ZFHX3: variants seen among roughly 807,000 people sequenced by gnomAD.
ZFHX3 encodes the protein zinc finger homeobox 3.
In ZFHX3, 42 loss-of-function variants were observed where a neutral mutation model predicts 279.1. The observed-to-expected ratio is 0.15, with a 90% CI of 0.12 to 0.19. The LOEUF is 0.19. Among genes scored for constraint, ZFHX3 ranks in the 10% least tolerant of loss-of-function variants. The probability of loss-of-function intolerance (pLI) is 1.00; values close to 1 mark genes in which losing one functional copy is unlikely to be tolerated. For missense variants in ZFHX3, 4,981 were observed against 4,754.0 expected (o/e 1.05, Z -1.40); for synonymous variants, 2,293 against 1,957.8 (o/e 1.17, Z -4.52).
intron 2 of ZFHX3, among the ~76,000 whole-genome samples, chr16:73,619,804 T>C (rs923470169): frequency 6.6e-6 from 1 of 152,112 alleles, no homozygotes; most frequent in Non-Finnish European, 1.5e-5. Context: ...GGCTCCCACA[T>C]GGTTTTCCTG....
intron 1 of ZFHX3, among the ~76,000 whole-genome samples, chr16:73,004,159 CTTTT>C (rs3081625): frequency 1.6e-4 from 8 of 49,372 alleles, no homozygotes; most frequent in South Asian, 7.6e-4. Flanking sequence ...AAAAACACGA[CTTTT>C]TTTTTTTTTT....
Position 72,798,693 on chromosome 16 carries a change from T to C in ZFHX3, c.3989A>G (p.Lys1330Arg), listed in dbSNP as rs369718528. Residue 1330 changes from lysine to arginine, a missense_variant, in exon 9 of 10, where the codon AAG (lysine) becomes AGG (arginine). By Grantham distance (26) the Lys-to-Arg change is conservative (BLOSUM62 2). Transcript: ENST00000268489. ...KQPETSEDLGKNILPSASTEQ... is the reference protein window; with the variant it reads ...KQPETSEDLGRNILPSASTEQ... ...TGTGCTTGCGGATGGCAAGATGTTC[T>C]TTCCCAGATCCTCTGAGGTTTCTGT... is the stretch of plus-strand genomic sequence containing the variant. 11 of 1,563,658 alleles carry C rather than the reference T, an allele frequency of 7.0e-6. No homozygotes were observed. The highest frequency in any genetic ancestry group is 9.5e-6 in the Non-Finnish European group (11 of 1,158,508).
At chr16:73,503,824 T>C (rs1022888908) in intron 2 of ZFHX3, among the ~76,000 whole-genome samples, 2 of 152,196 alleles carry the variant, frequency 1.3e-5, no homozygotes, top group African/African-American at 4.8e-5. Flanking sequence ...TTGGTAACAG[T>C]TTTGACCTGT....
intron 1 of ZFHX3, among the ~76,000 whole-genome samples, chr16:72,966,064 C>T (rs992601241): frequency 3.9e-5 from 6 of 152,084 alleles, no homozygotes; most frequent in Non-Finnish European, 7.4e-5. Flanking sequence ...TTATAGCCGA[C>T]TAATGATGCC....
intron 4 of ZFHX3, among the ~76,000 whole-genome samples, chr16:72,831,232 T>C (rs919820758): frequency 2.0e-5 from 3 of 152,198 alleles, no homozygotes; most frequent in Non-Finnish European, 4.4e-5. Context: ...AAGATGTCTA[T>C]TTAGAATCAG....
chr16:73,353,259 T>A (rs540642790), intron 3 of ZFHX3, among the ~76,000 whole-genome samples: 1 of 152,202 alleles, frequency 6.6e-6, no homozygotes, highest in East Asian at 1.9e-4. Flanking sequence ...AAATCACCCA[T>A]GGGCTCATTT....
intron 1 of ZFHX3, among the ~76,000 whole-genome samples, chr16:73,803,765 T>C (rs770389610): frequency 1.1e-4 from 16 of 152,174 alleles, no homozygotes; most frequent in Non-Finnish European, 1.8e-4. Flanking sequence ...CATTTCAGAG[T>C]AATATGTGTA....
At chr16:73,256,678 T>C (rs2013669904) in intron 5 of ZFHX3, among the ~76,000 whole-genome samples, 1 of 152,212 alleles carries the variant, frequency 6.6e-6, no homozygotes, top group South Asian at 2.1e-4. Context: ...GGGAAATACC[T>C]TCAAAATAAT....
chr16:73,480,187 T>G (rs1284748985), intron 2 of ZFHX3, among the ~76,000 whole-genome samples: 2 of 152,184 alleles, frequency 1.3e-5, no homozygotes, highest in African/African-American at 2.4e-5. Flanking sequence ...CCTTCAGCAT[T>G]TGAAATGTTT....
intron 1 of ZFHX3, among the ~76,000 whole-genome samples, chr16:73,750,888 A>C (rs1184482026): frequency 1.3e-5 from 2 of 152,238 alleles, no homozygotes; most frequent in Non-Finnish European, 2.9e-5. Flanking sequence ...ACAGGCGATA[A>C]AATGAACATA....
At chr16:73,256,249 G>A (rs998404959) in intron 5 of ZFHX3, among the ~76,000 whole-genome samples, 1 of 152,064 alleles carries the variant, frequency 6.6e-6, no homozygotes, top group Admixed American at 6.5e-5. Context: ...ATGAAGTATC[G>A]AGTAGAGGAC....
chr16:73,719,176 G>C lies in ZFHX3; in HGVS notation c.-1607-38936C>G, dbSNP rs984809963. Among the ~76,000 whole-genome samples the C allele has an allele frequency of 1.2e-4, 18 of 152,302 alleles. No homozygotes were observed. In the East Asian group the frequency reaches 2.7e-3, roughly 23 times the overall value. Reference sequence around the variant, plus strand: ...ATTGTGCTTCAATGATCCCATCTGAGTATTGAGTCTGAGTGATACCAGTCA... The same window carrying C: ...ATTGTGCTTCAATGATCCCATCTGACTATTGAGTCTGAGTGATACCAGTCA... On this transcript the variant is annotated intron_variant, in intron 1 of 17. Coordinates refer to the ZFHX3 transcript ENST00000641206.
intron 2 of ZFHX3, among the ~76,000 whole-genome samples, chr16:73,468,517 C>A (rs2143596669): frequency 6.6e-6 from 1 of 152,278 alleles, no homozygotes; most frequent in Non-Finnish European, 1.5e-5. Context: ...AGGTGGATCA[C>A]TTGAGGTCAA....
At chr16:72,946,251 G>A (rs1238365113) in intron 3 of ZFHX3, among the ~76,000 whole-genome samples, 1 of 152,164 alleles carries the variant, frequency 6.6e-6, no homozygotes, top group African/African-American at 2.4e-5. Context: ...AGCAGAGTTG[G>A]CTTGGACACT....
At chr16:73,790,002 G>A (rs1026309615) in intron 1 of ZFHX3, among the ~76,000 whole-genome samples, 1 of 152,078 alleles carries the variant, frequency 6.6e-6, no homozygotes, top group Non-Finnish European at 1.5e-5. Context: ...TTGTGTCAGC[G>A]TTTCCATTAT....
chr16:73,541,373 C>T (rs1193452317), intron 2 of ZFHX3, among the ~76,000 whole-genome samples: 1 of 152,032 alleles, frequency 6.6e-6, no homozygotes, highest in South Asian at 2.1e-4. Flanking sequence ...GTGGTCCCAG[C>T]TACTCAAGAG....
intron 1 of ZFHX3, among the ~76,000 whole-genome samples, chr16:73,873,246 GT>G (rs1453014478): frequency 1.0e-5 from 1 of 99,622 alleles, no homozygotes; most frequent in African/African-American, 3.9e-5. Flanking sequence ...GTAGTGGGTG[GT>G]TGGGTGGCGG....
At chr16:73,576,269 T>C (rs948684571) in intron 2 of ZFHX3, among the ~76,000 whole-genome samples, 33 of 152,212 alleles carry the variant, frequency 2.2e-4, no homozygotes, top group African/African-American at 6.5e-4. Flanking sequence ...AGAGCCTTCA[T>C]CAACTTGTAA....
intron 8 of ZFHX3, among the ~76,000 whole-genome samples, chr16:73,069,786 G>C (rs1371734816): frequency 1.3e-5 from 2 of 152,116 alleles, no homozygotes; most frequent in African/African-American, 4.8e-5. Flanking sequence ...CACGGGCTTT[G>C]GCCAAATTTC....
Sources: allele counts gnomAD v4.1 joint callset (sites outside exome capture counted in the v4.1 genomes callset), GRCh38; gene constraint gnomAD v4.1.1; transcripts MANE v1.5; gene names NCBI Gene and HGNC (gene_info 2026-07-23, HGNC 2026-07-21).